C17orf67: variants seen among roughly 807,000 people sequenced by gnomAD.
C17orf67 encodes uncharacterized protein C17orf67.
In C17orf67, 12 loss-of-function variants were observed where a neutral mutation model predicts 11.2. The observed-to-expected ratio is 1.07, with a 90% CI of 0.68 to 1.73. C17orf67 has a LOEUF of 1.73. Ranked by LOEUF, C17orf67 falls within the 40% of genes most tolerant of loss-of-function variation. The pLI, the probability that C17orf67 is intolerant of heterozygous loss-of-function variation, is 0.00. For missense variants in C17orf67, 115 were observed against 113.5 expected (o/e 1.01, Z -0.06); for synonymous variants, 59 against 46.9 (o/e 1.26, Z -1.05).
At chr17:56,813,201 C>A (rs1203704161) in intron 6 of C17orf67, among the ~76,000 whole-genome samples, 1 of 152,262 alleles carries the variant, frequency 6.6e-6, no homozygotes, top group Non-Finnish European at 1.5e-5. Flanking sequence ...AGGGGGCCAG[C>A]CAGAGCCCCC....
At chr17:56,810,922 C>G (rs966858436) in intron 6 of C17orf67, among the ~76,000 whole-genome samples, 1 of 152,222 alleles carries the variant, frequency 6.6e-6, no homozygotes, top group African/African-American at 2.4e-5. Context: ...TTCAGTAAAT[C>G]CATAAAAGAA....
At position 56,800,077 on chromosome 17, in the gene C17orf67, T is replaced by C. The variant is rs548782540; in HGVS notation, c.157-4897A>G. Among the ~76,000 whole-genome samples the C allele has an allele frequency of 3.5e-3, 502 of 144,920 alleles. 2 individuals are homozygous for C. The highest frequency in any genetic ancestry group is 0.012 in the African/African-American group (484 of 39,316). ...AAACTAATTTTTTTTTTTTTTTTTT[T>C]TTTTTTGAGACGGAGTCTCGCTCTG... On this transcript the variant is annotated intron_variant, in intron 6 of 7. Coordinates refer to ENST00000397861, the MANE Select transcript of C17orf67 (RefSeq NM_001085430.4).
intron 4 of C17orf67, among the ~76,000 whole-genome samples, chr17:56,819,930 T>C (rs910837118): frequency 1.4e-4 from 21 of 152,174 alleles, no homozygotes; most frequent in Non-Finnish European, 2.5e-4. Flanking sequence ...ATTCAAGAAG[T>C]TGCCAGCGAT....
chr17:56,795,139 C>T lies in C17orf67; in HGVS notation c.198G>A (p.Glu66=). Residue 66 remains glutamate (E), a synonymous_variant, in exon 7 of 8, where the codon GAG becomes GAA. Coordinates refer to ENST00000397861, the MANE Select transcript of C17orf67 (RefSeq NM_001085430.4). The part of the protein sequence containing the change: ...HHLLALEHRA[E]EQFLEHWLNP... Reference sequence around the variant, plus strand: ...TCAGCCAGTGCTCCAGGAACTGCTCCTCAGCGCGATGCTCCAGGGCGAGCA... The same window carrying T: ...TCAGCCAGTGCTCCAGGAACTGCTCTTCAGCGCGATGCTCCAGGGCGAGCA... The T allele has an allele frequency of 1.2e-6, 2 of 1,614,174 alleles. No homozygotes were observed. Among genetic ancestry groups the T allele is most frequent in the Non-Finnish European group, 1.7e-6 (2 of 1,180,020 alleles).
chr17:56,824,113 C>A (rs781651431), intron 4 of C17orf67, among the ~76,000 whole-genome samples: 2 of 152,196 alleles, frequency 1.3e-5, no homozygotes, highest in African/African-American at 2.4e-5. Flanking sequence ...GATTAAGTCA[C>A]GGGAGCACCA....
chr17:56,831,387 G>A (rs919322198), intron 2 of C17orf67, among the ~76,000 whole-genome samples: 5 of 152,178 alleles, frequency 3.3e-5, no homozygotes, highest in African/African-American at 7.2e-5. Context: ...GGCAAAGGAC[G>A]GGCATCTGGA....
At chr17:56,810,121 A>T (rs1265669685) in intron 6 of C17orf67, among the ~76,000 whole-genome samples, 4 of 81,800 alleles carry the variant, frequency 4.9e-5, no homozygotes, top group Non-Finnish European at 1.1e-4. Flanking sequence ...ACACCCTCAC[A>T]CTCCTTGCAC....
chr17:56,799,323 C>T (rs1905268905), intron 6 of C17orf67, among the ~76,000 whole-genome samples: 1 of 152,228 alleles, frequency 6.6e-6, no homozygotes, highest in Non-Finnish European at 1.5e-5. Flanking sequence ...GTTAGAATCA[C>T]AGAACATGTA....
chr17:56,828,618 C>T (rs369632108), intron 2 of C17orf67, among the ~76,000 whole-genome samples: 2 of 152,140 alleles, frequency 1.3e-5, no homozygotes, highest in East Asian at 1.9e-4. Context: ...AAACAAACAC[C>T]TGTGTACCCA....
intron 4 of C17orf67, among the ~76,000 whole-genome samples, chr17:56,818,467 G>A (rs1285284750): frequency 6.6e-6 from 1 of 152,126 alleles, no homozygotes; most frequent in Non-Finnish European, 1.5e-5. Context: ...CAAGCCTGCA[G>A]TGAGCAATGA....
chr17:56,804,217 C>G (rs376657022), intron 6 of C17orf67: 18 of 152,252 alleles, frequency 1.2e-4, no homozygotes, highest in African/African-American at 4.3e-4. Flanking sequence ...TATTATGGCT[C>G]TGGAGTGGTG....
intron 4 of C17orf67, among the ~76,000 whole-genome samples, chr17:56,818,158 A>T (rs1418333556): frequency 6.9e-6 from 1 of 144,390 alleles, no homozygotes; most frequent in East Asian, 2.0e-4. Flanking sequence ...GCATTATTTA[A>T]AAAAAAAAAA....
At chr17:56,792,951 ATGGTGG>A (rs1181867070) in intron 7 of C17orf67, among the ~76,000 whole-genome samples, 23 of 104,822 alleles carry the variant, frequency 2.2e-4, no homozygotes, top group Non-Finnish European at 4.1e-4. Flanking sequence ...GATGGTGGCG[ATGGTGG>A]TGATGGTGAT....
chr17:56,828,557 CAT>C (rs765719852), intron 2 of C17orf67, among the ~76,000 whole-genome samples: 4 of 152,054 alleles, frequency 2.6e-5, no homozygotes, highest in Non-Finnish European at 4.4e-5. Context: ...ATCTGTCACA[CAT>C]ACAGAAGAGT....
At chr17:56,823,311 T>C (rs1905949770) in intron 4 of C17orf67, among the ~76,000 whole-genome samples, 1 of 152,152 alleles carries the variant, frequency 6.6e-6, no homozygotes, top group Non-Finnish European at 1.5e-5. Flanking sequence ...TCTCTAGCAC[T>C]GCTTCTCAGG....
Position 56,825,282 on chromosome 17 carries a change from T to C in C17orf67, c.-517A>G, listed in dbSNP as rs188789125. 1 of 152,330 alleles carries C rather than the reference T, an allele frequency of 6.6e-6. No homozygotes were observed. The highest frequency in any genetic ancestry group is 1.5e-5 in the Non-Finnish European group (1 of 68,028). The allele number at this position is 152,330 out of a possible 1,614,324, so 9.4% of individuals were successfully genotyped here. On this transcript the variant is annotated 5_prime_UTR_variant, in exon 3 of 8. Transcript: ENST00000397861. ...ACCTAAGTTCAAAGCCCCAACTCAG[T>C]TGACTCCTGACTGTGTGATATCAAG...
intron 6 of C17orf67, among the ~76,000 whole-genome samples, chr17:56,807,903 T>TAATTAATA (rs1555591712): frequency 6.9e-6 from 1 of 144,424 alleles, no homozygotes; most frequent in East Asian, 2.0e-4. Context: ...AATAAATAAA[T>TAATTAATA]AATAAATAAA....
Position 56,814,864 on chromosome 17 carries a change from C to G in C17orf67, c.156+5G>C. 3.1e-6 allele frequency: 5 copies of G among 1,613,398 alleles called. No individual in the cohort carries two copies. Among genetic ancestry groups the G allele is most frequent in the Non-Finnish European group, 4.2e-6 (5 of 1,179,378 alleles). ...TCTTTAAAACTGCCAGAGCAAAGCA[C>G]TCACCCGCATTGGCTCATCGGGGAA... On this transcript the variant is annotated splice_donor_5th_base_variant and intron_variant, in intron 6 of 7. Transcript: ENST00000397861.
At chr17:56,802,073 A>G (rs1215130370) in intron 6 of C17orf67, among the ~76,000 whole-genome samples, 1 of 152,206 alleles carries the variant, frequency 6.6e-6, no homozygotes, top group Non-Finnish European at 1.5e-5. Context: ...TCCTTGGGTT[A>G]GATACTAAAT....
Sources: allele counts gnomAD v4.1 joint callset (sites outside exome capture counted in the v4.1 genomes callset), GRCh38; gene constraint gnomAD v4.1.1; transcripts MANE v1.5; gene names NCBI Gene and HGNC (gene_info 2026-07-23, HGNC 2026-07-21).